Variants in LIN7A observed in about 807,000 individuals in gnomAD.
The protein encoded by LIN7A is protein lin-7 homolog A.
In LIN7A, 25 loss-of-function variants were observed where a neutral mutation model predicts 29.8. The ratio of observed to expected loss-of-function variants is 0.84; its 90% CI spans 0.61 to 1.17. The LOEUF is 1.17. Ranked by LOEUF, LIN7A falls within the 50% of genes most tolerant of loss-of-function variation. The probability of loss-of-function intolerance (pLI) is 0.00; values close to 1 mark genes in which losing one functional copy is unlikely to be tolerated. For synonymous variants in LIN7A, 118 were observed against 107.5 expected (o/e 1.10, Z -0.60); for missense variants, 239 against 287.0 (o/e 0.83, Z 1.21).
chr12:80,880,974 G>A (rs568752334), intron 2 of LIN7A, among the ~76,000 whole-genome samples: 1 of 152,220 alleles, frequency 6.6e-6, no homozygotes, highest in East Asian at 1.9e-4. Flanking sequence ...GAACAGAGGT[G>A]CTATTAATTT....
chr12:80,873,568 A>G (rs1473621372), intron 2 of LIN7A, among the ~76,000 whole-genome samples: 1 of 151,802 alleles, frequency 6.6e-6, no homozygotes, highest in Non-Finnish European at 1.5e-5. Flanking sequence ...TAAAAATAAA[A>G]CATTCTGATT....
intron 2 of LIN7A, among the ~76,000 whole-genome samples, chr12:80,876,084 G>GAGAGAA (rs1555226200): frequency 6.4e-4 from 95 of 148,786 alleles, no homozygotes; most frequent in Non-Finnish European, 1.1e-3. Flanking sequence ...CACACACAGA[G>GAGAGAA]AGAGAGAAAG....
chr12:80,909,169 AT>A (rs1565925043), intron 1 of LIN7A, among the ~76,000 whole-genome samples: 1 of 152,008 alleles, frequency 6.6e-6, no homozygotes, highest in East Asian at 1.9e-4. Flanking sequence ...TTGAGGTTCA[AT>A]TTTTTGCATT....
At chr12:80,906,580 C>T (rs1483906978) in intron 1 of LIN7A, among the ~76,000 whole-genome samples, 1 of 151,898 alleles carries the variant, frequency 6.6e-6, no homozygotes, top group African/African-American at 2.4e-5. Context: ...TTGTGTCTGG[C>T]TCCTGTCTAA....
At chr12:80,897,040 T>C (rs1875939419) in intron 1 of LIN7A, among the ~76,000 whole-genome samples, 1 of 152,198 alleles carries the variant, frequency 6.6e-6, no homozygotes, top group African/African-American at 2.4e-5. Context: ...CCAGTTTTCC[T>C]AGGAACTATA....
intron 2 of LIN7A, among the ~76,000 whole-genome samples, chr12:80,851,003 G>T (rs559801151): frequency 6.6e-6 from 1 of 152,226 alleles, no homozygotes; most frequent in South Asian, 2.1e-4. Context: ...TGACCACACA[G>T]CTAATTTGTT....
At chr12:80,860,519 T>C (rs1045436606) in intron 2 of LIN7A, among the ~76,000 whole-genome samples, 2 of 152,230 alleles carry the variant, frequency 1.3e-5, no homozygotes, top group African/African-American at 4.8e-5. Flanking sequence ...TCTGTTCTGA[T>C]AGAGATCACT....
intron 1 of LIN7A, among the ~76,000 whole-genome samples, chr12:80,933,905 G>T (rs1191604757): frequency 6.6e-6 from 1 of 151,978 alleles, no homozygotes; most frequent in African/African-American, 2.4e-5. Context: ...TGTGTTCATT[G>T]TGTGACTCTC....
chr12:80,887,179 T>C (rs1163679), intron 2 of LIN7A, among the ~76,000 whole-genome samples: 103,469 of 152,040 alleles, frequency 0.68, 39,157 homozygotes, highest in Non-Finnish European at 0.87. Context: ...TTTCTGTTGA[T>C]TTTGCTCTCA....
At position 80,795,747 on chromosome 12, in the gene LIN7A, A is replaced by G. The variant is rs1012088041; in HGVS notation, c.*1980T>C. The stretch of plus-strand genomic sequence containing the variant: ...AATATATCTTTGTTAAATGATAACT[A>G]AAATATATGTTTTATTAAATTTTTC... On this transcript the variant is annotated 3_prime_UTR_variant, in exon 6 of 6. Transcript: ENST00000552864. The G allele has an allele frequency of 9.9e-5, 15 of 152,134 alleles. No individual in the cohort carries two copies. The highest frequency in any genetic ancestry group is 1.5e-5 in the Non-Finnish European group (1 of 67,992). The allele number at this position is 152,134 out of a possible 1,614,324, so 9.4% of individuals were successfully genotyped here.
intron 4 of LIN7A, among the ~76,000 whole-genome samples, chr12:80,837,616 C>T (rs1872637920): frequency 6.6e-6 from 1 of 152,110 alleles, no homozygotes; most frequent in Non-Finnish European, 1.5e-5. Flanking sequence ...GGATTTTTGG[C>T]TTCCAGGGCT....
intron 2 of LIN7A, among the ~76,000 whole-genome samples, chr12:80,870,453 T>A (rs1874369423): frequency 6.6e-6 from 1 of 152,084 alleles, no homozygotes; most frequent in African/African-American, 2.4e-5. Context: ...CTGATAGACA[T>A]ACAAATACTG....
chr12:80,925,317 C>T (rs1565931566), intron 1 of LIN7A, among the ~76,000 whole-genome samples: 1 of 152,130 alleles, frequency 6.6e-6, no homozygotes, highest in Admixed American at 6.6e-5. Flanking sequence ...GGTGAGTATA[C>T]AGGGCAATTT....
intron 4 of LIN7A, chr12:80,841,765 G>T: frequency 2.5e-6 from 1 of 396,762 alleles, no homozygotes; most frequent in Non-Finnish European, 3.4e-6. Flanking sequence ...CTCCACATTG[G>T]CTGCAACCCT....
intron 1 of LIN7A, among the ~76,000 whole-genome samples, chr12:80,912,342 C>T (rs1392303634): frequency 6.6e-6 from 1 of 152,084 alleles, no homozygotes; most frequent in African/African-American, 2.4e-5. Flanking sequence ...ATAATAATTA[C>T]ATTCAAGAAA....
At chr12:80,810,365 T>C (rs1871227266) in intron 5 of LIN7A, among the ~76,000 whole-genome samples, 1 of 151,968 alleles carries the variant, frequency 6.6e-6, no homozygotes, top group African/African-American at 2.4e-5. Flanking sequence ...TCCTGCTTTT[T>C]AAAGGCTAAA....
chr12:80,920,332 T>G (rs1258367218), intron 1 of LIN7A, among the ~76,000 whole-genome samples: 1 of 152,194 alleles, frequency 6.6e-6, no homozygotes, highest in East Asian at 1.9e-4. Flanking sequence ...TCTCAAGATA[T>G]ATTTGATATC....
intron 4 of LIN7A, among the ~76,000 whole-genome samples, chr12:80,844,309 A>C (rs1872958639): frequency 6.6e-6 from 1 of 152,212 alleles, no homozygotes; most frequent in South Asian, 2.1e-4. Flanking sequence ...TGCTGAAGTG[A>C]TAGAAAATAT....
chr12:80,855,146 A>C (rs1354900809), intron 2 of LIN7A, among the ~76,000 whole-genome samples: 3 of 152,108 alleles, frequency 2.0e-5, no homozygotes, highest in African/African-American at 7.2e-5. Context: ...TAAATGCTTC[A>C]ACAACAAAGT....
Sources: allele counts gnomAD v4.1 joint callset (sites outside exome capture counted in the v4.1 genomes callset), GRCh38; gene constraint gnomAD v4.1.1; transcripts MANE v1.5; gene names NCBI Gene and HGNC (gene_info 2026-07-23, HGNC 2026-07-21).